The following COTL1 variants were observed in gnomAD, a reference collection of about 807,000 sequenced individuals.
COTL1 encodes the protein coactosin-like protein.
A neutral mutation model predicts 16.5 loss-of-function variants in COTL1; 15 were observed. The ratio of observed to expected loss-of-function variants is 0.91; its 90% CI spans 0.61 to 1.40. The LOEUF is 1.40. COTL1 is among the 40% of genes most tolerant of loss of function. The probability of loss-of-function intolerance (pLI) is 0.00; values close to 1 mark genes in which losing one functional copy is unlikely to be tolerated. For missense variants in COTL1, 220 were observed against 201.5 expected (o/e 1.09, Z -0.56); for synonymous variants, 112 against 85.3 (o/e 1.31, Z -1.73).
intron 2 of COTL1, among the ~76,000 whole-genome samples, chr16:84,610,840 A>G (rs1253100142): frequency 1.3e-5 from 2 of 149,278 alleles, no homozygotes; most frequent in African/African-American, 4.9e-5. Context: ...TCATCCAACA[A>G]ATGTCACAGG....
intron 3 of COTL1, among the ~76,000 whole-genome samples, chr16:84,583,325 A>G (rs1439161584): frequency 6.6e-6 from 1 of 152,224 alleles, no homozygotes; most frequent in African/African-American, 2.4e-5. Context: ...GGCACATAGT[A>G]GGGCCACAAT....
chr16:84,582,325 A>G (rs1904618397), intron 3 of COTL1, among the ~76,000 whole-genome samples: 1 of 151,812 alleles, frequency 6.6e-6, no homozygotes, highest in Non-Finnish European at 1.5e-5. Flanking sequence ...TTATGTTAAA[A>G]CAGAGATGCA....
In COTL1 at chr16:84,584,190, C is replaced by T. The variant is rs74036331; in HGVS notation, c.318+5915G>A. ...AGCTGTGGCCAGCCAGCCGTGCGTG[C>T]TGTGCGTTCAGCGCATTCCCCGGAC... On this transcript the variant is annotated intron_variant, in intron 3 of 3. Transcript: ENST00000262428. Among the ~76,000 whole-genome samples, 1,270 of 152,366 alleles carry T rather than the reference C, an allele frequency of 8.3e-3. 18 individuals carry two copies. Among genetic ancestry groups the T allele is most frequent in the African/African-American group, 0.029 (1,200 of 41,576 alleles).
chr16:84,616,661 G>C (rs1436043793), intron 2 of COTL1, among the ~76,000 whole-genome samples: 7 of 152,156 alleles, frequency 4.6e-5, no homozygotes, highest in Non-Finnish European at 2.9e-5. Context: ...CTCTTTAAAA[G>C]GTCCCATTAC....
chr16:84,613,148 G>A (rs982655094), intron 2 of COTL1, among the ~76,000 whole-genome samples: 6 of 151,792 alleles, frequency 4.0e-5, no homozygotes, highest in African/African-American at 1.2e-4. Context: ...TATAGGCGCC[G>A]GCCACCATGC....
intron 2 of COTL1, among the ~76,000 whole-genome samples, chr16:84,599,233 T>A (rs1755728357): frequency 6.6e-6 from 1 of 152,154 alleles, no homozygotes. Context: ...CCAAAGAGAT[T>A]CTAGTCTCCT....
chr16:84,601,299 C>G (rs1268685052), intron 2 of COTL1, among the ~76,000 whole-genome samples: 1 of 152,152 alleles, frequency 6.6e-6, no homozygotes, highest in Admixed American at 6.5e-5. Context: ...TCTACCATAG[C>G]AAACAAAAAT....
intron 3 of COTL1, among the ~76,000 whole-genome samples, chr16:84,581,466 G>A (rs865787110): frequency 3.9e-5 from 6 of 151,986 alleles, no homozygotes; most frequent in South Asian, 2.1e-4. Flanking sequence ...AGGTTCTCCC[G>A]GCTGCCCCAG....
At chr16:84,579,288 G>A (rs1904523958) in intron 3 of COTL1, among the ~76,000 whole-genome samples, 3 of 152,250 alleles carry the variant, frequency 2.0e-5, no homozygotes, top group African/African-American at 2.4e-5. Context: ...CCTGAGGTCA[G>A]GAGTTCGCGA....
intron 2 of COTL1, among the ~76,000 whole-genome samples, chr16:84,598,520 G>T (rs1195503710): frequency 6.6e-6 from 1 of 152,108 alleles, no homozygotes; most frequent in Non-Finnish European, 1.5e-5. Context: ...GCCGGCCCTG[G>T]TGGCTGTTAC....
intron 2 of COTL1, among the ~76,000 whole-genome samples, chr16:84,612,446 G>A (rs774546534): frequency 2.6e-5 from 4 of 152,150 alleles, no homozygotes; most frequent in Non-Finnish European, 4.4e-5. Flanking sequence ...GAAAGCTTCC[G>A]AGTGGAAAGC....
chr16:84,586,409 GAA>G (rs1904734714), intron 3 of COTL1, among the ~76,000 whole-genome samples: 1 of 152,102 alleles, frequency 6.6e-6, no homozygotes, highest in African/African-American at 2.4e-5. Flanking sequence ...TACCCAAACT[GAA>G]AAGAGTTCTA....
At chr16:84,611,505 A>T (rs1456834571) in intron 2 of COTL1, among the ~76,000 whole-genome samples, 1 of 152,248 alleles carries the variant, frequency 6.6e-6, no homozygotes, top group Non-Finnish European at 1.5e-5. Flanking sequence ...AAGAATATAG[A>T]TAAAAATGAG....
intron 3 of COTL1, chr16:84,577,025 G>C (rs1475354145): frequency 6.6e-6 from 1 of 152,196 alleles, no homozygotes; most frequent in African/African-American, 2.4e-5. Flanking sequence ...CCAGCACCCT[G>C]AATCTTGCTA....
At chr16:84,586,346 G>C (rs1904733069) in intron 3 of COTL1, among the ~76,000 whole-genome samples, 1 of 152,128 alleles carries the variant, frequency 6.6e-6, no homozygotes, top group South Asian at 2.1e-4. Flanking sequence ...CCCACCTAAA[G>C]GTTCCCAGCA....
chr16:84,571,897 G>A (rs907739465), intron 3 of COTL1, among the ~76,000 whole-genome samples: 4 of 152,224 alleles, frequency 2.6e-5, no homozygotes, highest in Non-Finnish European at 5.9e-5. Context: ...AGGCCGCATG[G>A]AGGGGGTACT....
At chr16:84,593,673 G>A (rs551008459) in intron 2 of COTL1, among the ~76,000 whole-genome samples, 217 of 152,122 alleles carry the variant, frequency 1.4e-3, no homozygotes, top group Middle Eastern at 3.4e-3. Flanking sequence ...CACCACGCCC[G>A]GCTAATTTTT....
At chr16:84,574,690 T>C (rs772404992) in intron 3 of COTL1, among the ~76,000 whole-genome samples, 7 of 152,226 alleles carry the variant, frequency 4.6e-5, no homozygotes, top group Non-Finnish European at 8.8e-5. Flanking sequence ...TTCAAGTGAT[T>C]CTCCTGCCTC....
At chr16:84,573,310 C>T (rs182930930) in intron 3 of COTL1, among the ~76,000 whole-genome samples, 3 of 152,196 alleles carry the variant, frequency 2.0e-5, no homozygotes, top group East Asian at 1.9e-4. Flanking sequence ...AGTGGCCACA[C>T]GTGGCCAGCA....
Sources: gnomAD v4.1 joint callset for allele counts (sites outside exome capture counted in the v4.1 genomes callset) on GRCh38, gnomAD v4.1.1 for gene constraint, MANE v1.5 for transcripts, NCBI Gene and HGNC (gene_info 2026-07-23, HGNC 2026-07-21) for gene names.